Variants in CCND3 observed in about 807,000 individuals in gnomAD.
CCND3 encodes cyclin D3, also known as G1/S-specific cyclin-D3.
In CCND3, 9 loss-of-function variants were observed where a neutral mutation model predicts 28.7. That is an observed-to-expected ratio of 0.31 (90% CI 0.19 to 0.55). CCND3 has a LOEUF of 0.55. Among genes scored for constraint, CCND3 ranks in the 20% least tolerant of loss-of-function variants. The pLI, the probability that CCND3 is intolerant of heterozygous loss-of-function variation, is 0.93. For missense variants in CCND3, 315 were observed against 385.8 expected, an observed-to-expected ratio of 0.82 and a Z score of 1.54; for synonymous variants, 164 against 163.9, an observed-to-expected ratio of 1.00 and a Z score of 0.00.
intron 1 of CCND3, among the ~76,000 whole-genome samples, chr6:41,954,491 C>T (rs972865291): frequency 6.9e-6 from 1 of 145,312 alleles, no homozygotes; most frequent in Admixed American, 7.1e-5. Context: ...GCGGAGGTTG[C>T]GGTGAGCGGA....
chr6:42,041,006 C>A (rs972780862), intron 1 of CCND3, among the ~76,000 whole-genome samples: 2 of 152,142 alleles, frequency 1.3e-5, no homozygotes, highest in Non-Finnish European at 2.9e-5. Flanking sequence ...CTTACAACAG[C>A]CCCTGGCACA....
intron 1 of CCND3, among the ~76,000 whole-genome samples, chr6:41,954,250 TAAAAAAAAAAAA>T (rs34556754): frequency 2.8e-5 from 1 of 35,156 alleles, no homozygotes; most frequent in African/African-American, 1.3e-4. Context: ...GATTCTGCCT[TAAAAAAAAAAAA>T]AAAAAAAAAA....
At chr6:41,971,880 C>T (rs554125394) in intron 1 of CCND3, among the ~76,000 whole-genome samples, 2 of 150,732 alleles carry the variant, frequency 1.3e-5, no homozygotes, top group East Asian at 4.0e-4. Context: ...ATTGCATTTA[C>T]TTGTCGTATC....
intron 1 of CCND3, among the ~76,000 whole-genome samples, chr6:41,952,196 C>T (rs1303711721): frequency 6.6e-6 from 1 of 152,222 alleles, no homozygotes; most frequent in South Asian, 2.1e-4. Flanking sequence ...GATTAGGCAA[C>T]ACCCAGTGCC....
At chr6:42,012,797 G>A (rs2127428546) in intron 1 of CCND3, among the ~76,000 whole-genome samples, 1 of 152,228 alleles carries the variant, frequency 6.6e-6, no homozygotes, top group Middle Eastern at 3.4e-3. Flanking sequence ...GAACTAAAAG[G>A]AGCTGCACAT....
intron 1 of CCND3, among the ~76,000 whole-genome samples, chr6:42,020,120 T>A (rs1392230040): frequency 1.3e-5 from 2 of 151,876 alleles, no homozygotes; most frequent in Non-Finnish European, 2.9e-5. Context: ...CTACTAAAAA[T>A]GCAAAAAAAT....
intron 1 of CCND3, among the ~76,000 whole-genome samples, chr6:41,959,870 C>T (rs541388254): frequency 6.6e-6 from 1 of 151,476 alleles, no homozygotes; most frequent in South Asian, 2.1e-4. Flanking sequence ...GCAGGAGAAT[C>T]GCTTGAACCT....
At chr6:41,937,474 G>A in intron 2 of CCND3, 80 bp from the exon 3 acceptor site, 1 of 1,547,502 alleles carries the variant, frequency 6.5e-7, no homozygotes, top group Non-Finnish European at 8.8e-7. Flanking sequence ...CAAAGTCTCA[G>A]GCAGGGAAGC....
chr6:41,987,482 TC>T (rs1009529924), intron 1 of CCND3, among the ~76,000 whole-genome samples: 1 of 120,872 alleles, frequency 8.3e-6, no homozygotes, highest in African/African-American at 3.2e-5. Context: ...GGCTTTTCTC[TC>T]TCTCTCTCTC....
intron 1 of CCND3, among the ~76,000 whole-genome samples, chr6:42,041,676 A>G (rs188494486): frequency 1.9e-4 from 29 of 152,292 alleles, no homozygotes; most frequent in Admixed American, 7.8e-4. Flanking sequence ...TGTGATAGCC[A>G]CTTGCCAGAG....
At chr6:42,026,920 C>T (rs1366119017) in intron 1 of CCND3, among the ~76,000 whole-genome samples, 1 of 152,208 alleles carries the variant, frequency 6.6e-6, no homozygotes, top group East Asian at 1.9e-4. Flanking sequence ...GGTCAGATCA[C>T]CCACCCGGAT....
At chr6:41,979,907 A>T (rs1175802357) in intron 1 of CCND3, among the ~76,000 whole-genome samples, 1 of 151,612 alleles carries the variant, frequency 6.6e-6, no homozygotes, top group Non-Finnish European at 1.5e-5. Flanking sequence ...GAGTGCTGGC[A>T]TTACAGGTGG....
rs1398967748 is a variant in CCND3, at chr6:41,977,769, G to C, written c.-45-37184C>G. ...CAGTCCTTTACCAGCCTCCCGAATC[G>C]ACCATGAAGCCCTTGTTTGAACTTC... On this transcript the variant is annotated intron_variant, in intron 1 of 4. Coordinates refer to the CCND3 transcript ENST00000372988. Among the ~76,000 whole-genome samples, 6 of 152,276 alleles carry C rather than the reference G, an allele frequency of 3.9e-5. 1 individual carries two copies. Among genetic ancestry groups the C allele is most frequent in the South Asian group, 4.1e-4 (2 of 4,834 alleles).
At chr6:41,959,524 A>G (rs1761645899) in intron 1 of CCND3, among the ~76,000 whole-genome samples, 1 of 151,834 alleles carries the variant, frequency 6.6e-6, no homozygotes, top group Admixed American at 6.6e-5. Flanking sequence ...CTCTACTAAA[A>G]ATACAAAAAA....
chr6:41,961,032 A>G (rs1439697379), intron 1 of CCND3, among the ~76,000 whole-genome samples: 1 of 152,156 alleles, frequency 6.6e-6, no homozygotes, highest in African/African-American at 2.4e-5. Context: ...AGCACACACA[A>G]AGGCCAAGGA....
intron 1 of CCND3, among the ~76,000 whole-genome samples, chr6:41,956,984 TC>T (rs753484605): frequency 1.4e-4 from 22 of 152,110 alleles, no homozygotes; most frequent in Admixed American, 3.9e-4. Flanking sequence ...TGAGCCAAGA[TC>T]GCACCACTGC....
At chr6:42,008,585 TG>T (rs1380083937) in intron 1 of CCND3, among the ~76,000 whole-genome samples, 1 of 152,236 alleles carries the variant, frequency 6.6e-6, no homozygotes, top group Non-Finnish European at 1.5e-5. Flanking sequence ...CAAAGTAAGA[TG>T]GGCTTGTTAA....
intron 1 of CCND3, among the ~76,000 whole-genome samples, chr6:42,019,549 C>T (rs890128911): frequency 6.8e-6 from 1 of 147,202 alleles, no homozygotes; most frequent in East Asian, 2.0e-4. Context: ...ATGGTCCTAA[C>T]TTTGTAAAAG....
At chr6:41,999,000 T>C (rs903980990) in intron 1 of CCND3, among the ~76,000 whole-genome samples, 3 of 152,034 alleles carry the variant, frequency 2.0e-5, no homozygotes, top group African/African-American at 7.2e-5. Flanking sequence ...TTTATTATAT[T>C]AACTTCCTTA....
Sources: gnomAD v4.1 joint callset for allele counts (sites outside exome capture counted in the v4.1 genomes callset) on GRCh38, gnomAD v4.1.1 for gene constraint, MANE v1.5 for transcripts, NCBI Gene and HGNC (gene_info 2026-07-23, HGNC 2026-07-21) for gene names.